The following BAZ1B variants were observed in gnomAD, a reference collection of about 807,000 sequenced individuals.
BAZ1B encodes tyrosine-protein kinase BAZ1B.
Under a neutral mutation model 153.8 loss-of-function variants are expected in BAZ1B, and 22 were observed. The observed-to-expected ratio is 0.14, with a 90% CI of 0.10 to 0.20. The LOEUF is 0.20. Ranked by LOEUF, BAZ1B falls within the 10% of genes least tolerant of loss-of-function variation. The pLI is 1.00. For synonymous variants in BAZ1B, 676 were observed against 633.4 expected, an observed-to-expected ratio of 1.07 and a Z score of -1.01; for missense variants, 1,325 against 1,799.3, an observed-to-expected ratio of 0.74 and a Z score of 4.77.
At chr7:73,504,193 C>G (rs931285063) in intron 3 of BAZ1B, among the ~76,000 whole-genome samples, 8 of 152,122 alleles carry the variant, frequency 5.3e-5, no homozygotes, top group African/African-American at 1.9e-4. Flanking sequence ...TGTTTCCTGC[C>G]AGGACACTGA....
At chr7:73,458,946 A>C (rs1483336721) in intron 13 of BAZ1B, among the ~76,000 whole-genome samples, 1 of 152,128 alleles carries the variant, frequency 6.6e-6, no homozygotes, top group Non-Finnish European at 1.5e-5. Context: ...CCACCTTTTT[A>C]AAAAAGAAAG....
rs546987668 is a variant in BAZ1B, at chr7:73,458,632, T to C, written c.3432+904A>G. On this transcript the variant is annotated intron_variant, in intron 13 of 19. Coordinates refer to ENST00000339594, the MANE Select transcript of BAZ1B (RefSeq NM_032408.4). The stretch of plus-strand genomic sequence containing the variant: ...TAGAGGTTGCAGTGAGCTGAGATTA[T>C]GCCACTACACTCCAGCCTAGGCAAG... Among the ~76,000 whole-genome samples the C allele has an allele frequency of 3.4e-5, 5 of 147,132 alleles. No homozygotes were observed. The South Asian group carries it at 6.4e-4, about 19-fold the overall frequency.
At chr7:73,469,731 A>G in intron 8 of BAZ1B, 81 bp from the exon 9 acceptor site, 1 of 1,517,962 alleles carries the variant, frequency 6.6e-7, no homozygotes, top group Non-Finnish European at 9.1e-7. Flanking sequence ...AAGATAATAC[A>G]GAGTATCACT....
At chr7:73,509,416 G>A (rs1554578259) in intron 2 of BAZ1B, among the ~76,000 whole-genome samples, 1 of 152,050 alleles carries the variant, frequency 6.6e-6, no homozygotes, top group Non-Finnish European at 1.5e-5. Context: ...GTAAAGCACT[G>A]GGGAATACAA....
At position 73,478,386 on chromosome 7, in the gene BAZ1B, A is replaced by T; in HGVS notation, c.1075T>A (p.Ser359Thr). 5 of 1,612,380 alleles carry T rather than the reference A, an allele frequency of 3.1e-6. No individual in the cohort carries two copies. Among genetic ancestry groups the T allele is most frequent in the Non-Finnish European group, 4.2e-6 (5 of 1,179,456 alleles). Residue 359 changes from serine to threonine, a missense_variant, in exon 7 of 20, where the codon TCC becomes ACC. Coordinates refer to ENST00000339594, the MANE Select transcript of BAZ1B (RefSeq NM_032408.4). ...SPLKVKNSKN[S>T]KSPEEHLEEM... ...TCTAGATGTTCTTCAGGAGATTTGG[A>T]ATTCTTTGAGTTCTTCACTTTGAGT...
Position 73,477,650 on chromosome 7 carries a change from T to C in BAZ1B, c.1811A>G (p.Asn604Ser), listed in dbSNP as rs782633018. Residue 604 changes from asparagine to serine, a missense_variant, in exon 7 of 20, where the codon AAC (asparagine) becomes AGC (serine). This residue lies in a region of BAZ1B where 154 missense variants were observed against 266.3 expected (regional missense o/e 0.58). Transcript: ENST00000339594. This position sits in a 1 kb window ranked among gnomAD's most constrained non-coding sequence, Gnocchi z 5.6. ...CATGGCCACATCCCCAAACAGCGTG[T>C]TGGGCAGCCCTTCAGGGGTATCCAC... Reference protein sequence around the residue: ...RLVDTPEGLPNTLFGDVAMVV... With the variant: ...RLVDTPEGLPSTLFGDVAMVV... 2 of 1,614,236 alleles carry C rather than the reference T, an allele frequency of 1.2e-6. No individual in the cohort carries two copies. Among genetic ancestry groups the C allele is most frequent in the African/African-American group, 1.3e-5 (1 of 75,070 alleles).
At chr7:73,518,365 A>C (rs1192156060) in intron 1 of BAZ1B, among the ~76,000 whole-genome samples, 1 of 151,882 alleles carries the variant, frequency 6.6e-6, no homozygotes, top group African/African-American at 2.4e-5. Context: ...GTGAGCCTAG[A>C]TCGCGCCACT....
chr7:73,484,109 T>C (rs1314708447), intron 6 of BAZ1B, among the ~76,000 whole-genome samples: 4 of 151,898 alleles, frequency 2.6e-5, no homozygotes, highest in African/African-American at 7.2e-5. Context: ...CTACCAAAAA[T>C]AGAAAAATTA....
chr7:73,465,583 AT>A (rs1554571069), intron 10 of BAZ1B, 46 bp from the exon 11 acceptor site: 1 of 1,291,128 alleles, frequency 7.7e-7, no homozygotes. Context: ...AAAAAAAAAA[AT>A]TCAAAATCAA....
intron 3 of BAZ1B, among the ~76,000 whole-genome samples, chr7:73,503,144 A>G (rs1199319423): frequency 6.6e-6 from 1 of 152,358 alleles, no homozygotes; most frequent in South Asian, 2.1e-4. Flanking sequence ...GGGTATGTAT[A>G]ATAACCAATT....
chr7:73,463,218 C>G, intron 11 of BAZ1B, 119 bp from the exon 12 acceptor site: 2 of 925,396 alleles, frequency 2.2e-6, no homozygotes, highest in South Asian at 1.7e-5. Flanking sequence ...TTTCACCTCT[C>G]CCTGGTGTTT....
At position 73,459,613 on chromosome 7, in the gene BAZ1B, T is replaced by C. The variant is rs782098689; in HGVS notation, c.3355A>G (p.Arg1119Gly). 2 of 1,614,028 alleles carry C rather than the reference T, an allele frequency of 1.2e-6. No individual in the cohort carries two copies. Among genetic ancestry groups the C allele is most frequent in the Non-Finnish European group, 1.7e-6 (2 of 1,180,048 alleles). ...GAATCTTCACTTTGGAGTTTTCTTCTCTTTTGCTTGGGAGCCATGAAGCCT... is the reference window on the plus strand; with the variant it reads ...GAATCTTCACTTTGGAGTTTTCTTCCCTTTTGCTTGGGAGCCATGAAGCCT... ...LQGFMAPKQK[R>G]RKLQSEDSAK... The change falls in exon 13 of 20, where the codon AGA (arginine) becomes GGA (glycine). Residue 1119 changes from arginine to glycine, a missense_variant. Physicochemically the swap from Arg to Gly is moderately radical, Grantham distance 125. Coordinates refer to ENST00000339594, the MANE Select transcript of BAZ1B (RefSeq NM_032408.4).
intron 15 of BAZ1B, 65 bp from the exon 16 acceptor site, chr7:73,447,444 A>C: frequency 3.3e-6 from 5 of 1,537,410 alleles, no homozygotes; most frequent in Non-Finnish European, 4.4e-6. Context: ...AGAAGGGCTC[A>C]AATCCCACAG....
chr7:73,516,772 CAAAAAAAAAAAAAAAAA>C (rs71517390), intron 1 of BAZ1B, among the ~76,000 whole-genome samples: 1 of 53,452 alleles, frequency 1.9e-5, no homozygotes, highest in African/African-American at 8.2e-5. Context: ...GTGACTGTCT[CAAAAAAAAAAAAAAAAA>C]AAAAAAAAAA....
chr7:73,449,731 C>G (rs782323612), intron 14 of BAZ1B, 42 bp from the exon 15 acceptor site: 1 of 1,602,980 alleles, frequency 6.2e-7, no homozygotes, highest in South Asian at 1.1e-5. Flanking sequence ...GGGAGCACAG[C>G]AGCAGTCAAT....
At chr7:73,464,890 A>G (rs1195886692) in intron 11 of BAZ1B, among the ~76,000 whole-genome samples, 1 of 150,904 alleles carries the variant, frequency 6.6e-6, no homozygotes, top group Non-Finnish European at 1.5e-5. Flanking sequence ...CACACCCAAG[A>G]TAATTTTTGT....
intron 19 of BAZ1B, 28 bp downstream of exon 19, chr7:73,442,151 CTA>C: frequency 4.2e-6 from 4 of 942,540 alleles, no homozygotes; most frequent in South Asian, 1.6e-5. Context: ...CCCACCCTCC[CTA>C]GCTGTCCCCC....
rs71071937 is a variant in BAZ1B at position 73,456,937 on chromosome 7, CAAAAAAAAAAAAAAAAAAAAAAAAAA to C, written c.3432+2573_3432+2598del. Among the ~76,000 whole-genome samples the C allele has an allele frequency of 3.3e-4, 13 of 39,582 alleles. No individual in the cohort carries two copies. In the East Asian group the frequency reaches 3.9e-3, roughly 12 times the overall value. The allele number at this position is 39,582 out of a possible 152,430, so 26.0% of individuals were successfully genotyped here. ...GGCCTCGGCGACAGAGACTCTGTCT[CAAAAAAAAAAAAAAAAAAAAAAAAAA>C]AAAAAAAAAAAAAAGTATTGGCGAG... On this transcript the variant is annotated intron_variant, in intron 13 of 19. Coordinates refer to ENST00000339594, the MANE Select transcript of BAZ1B (RefSeq NM_032408.4).
intron 13 of BAZ1B, among the ~76,000 whole-genome samples, chr7:73,452,656 A>G (rs1554568555): frequency 6.7e-6 from 1 of 148,758 alleles, no homozygotes; most frequent in African/African-American, 2.5e-5. Context: ...CGGGAGGCGG[A>G]GGCTGCAGTG....
Sources: allele counts gnomAD v4.1 joint callset (sites outside exome capture counted in the v4.1 genomes callset), GRCh38; gene constraint gnomAD v4.1.1; regional missense constraint gnomAD v4.1.1; non-coding constraint Gnocchi (gnomAD v3.1); transcripts MANE v1.5; gene names NCBI Gene and HGNC (gene_info 2026-07-23, HGNC 2026-07-21).